Variants in SELENOF observed in about 807,000 individuals in gnomAD.
The protein encoded by SELENOF is 15 kDa selenoprotein.
In SELENOF, 16 loss-of-function variants were observed where a neutral mutation model predicts 20.5. The ratio of observed to expected loss-of-function variants is 0.78; its 90% CI spans 0.53 to 1.19. SELENOF has a LOEUF of 1.19. Ranked by LOEUF, SELENOF falls within the 50% of genes most tolerant of loss-of-function variation. SELENOF has a pLI of 0.00. For missense variants in SELENOF, 215 were observed against 194.2 expected, an observed-to-expected ratio of 1.11 and a Z score of -0.64; for synonymous variants, 78 against 74.5, an observed-to-expected ratio of 1.05 and a Z score of -0.24.
chr1:86,905,956 T>G (rs1659817104), intron 1 of SELENOF, among the ~76,000 whole-genome samples: 1 of 152,216 alleles, frequency 6.6e-6, no homozygotes, highest in African/African-American at 2.4e-5. Context: ...TTGACTGAAT[T>G]TGGCCCACCA....
chr1:86,894,833 T>C (rs1346626646), intron 2 of SELENOF, among the ~76,000 whole-genome samples: 1 of 151,138 alleles, frequency 6.6e-6, no homozygotes, highest in South Asian at 2.1e-4. Context: ...GGAAACCCTA[T>C]CTCTAAAACA....
chr1:86,912,165 C>A (rs988928822), intron 1 of SELENOF, among the ~76,000 whole-genome samples: 2 of 152,116 alleles, frequency 1.3e-5, no homozygotes, highest in Non-Finnish European at 1.5e-5. Context: ...AACGGTGAAC[C>A]AAGACGCTGT....
chr1:86,874,487 C>A (rs757258850), intron 3 of SELENOF, among the ~76,000 whole-genome samples: 1 of 151,992 alleles, frequency 6.6e-6, no homozygotes, highest in Non-Finnish European at 1.5e-5. Context: ...CTAAGTTTTG[C>A]TATACACACT....
chr1:86,884,382 C>T (rs540673321), intron 2 of SELENOF, among the ~76,000 whole-genome samples: 55 of 149,924 alleles, frequency 3.7e-4, no homozygotes, highest in African/African-American at 1.4e-3. Flanking sequence ...CACACATATA[C>T]ACACACATAT....
Position 86,863,404 on chromosome 1 carries a change from T to C in SELENOF, c.*70A>G. 1.5e-6 allele frequency: 2 copies of C among 1,361,716 alleles called. No individual in the cohort carries two copies. Among genetic ancestry groups the C allele is most frequent in the African/African-American group, 1.5e-5 (1 of 68,034 alleles). The allele number at this position is 1,361,716 out of a possible 1,614,324, so 84.4% of individuals were successfully genotyped here. On this transcript the variant is annotated 3_prime_UTR_variant, in exon 5 of 5. Transcript: ENST00000331835. ...ATCAATGGAAGCAAGCAAAACTAAA[T>C]TATTTTCTAGGTGCTGTAATATTTC...
intron 1 of SELENOF, among the ~76,000 whole-genome samples, chr1:86,910,595 T>TGGGAGGCTGAGGCAGGAGACTGGC: frequency 6.7e-6 from 1 of 148,712 alleles, no homozygotes; most frequent in African/African-American, 2.6e-5. Context: ...TCCCAGCTAC[T>TGGGAGGCTGAGGCAGGAGACTGGC]TGGGAGGCTG....
At chr1:86,877,143 C>T (rs980756946) in intron 3 of SELENOF, among the ~76,000 whole-genome samples, 2 of 152,098 alleles carry the variant, frequency 1.3e-5, no homozygotes, top group East Asian at 3.8e-4. Flanking sequence ...CAGTAAGCAT[C>T]AATAAATATT....
intron 1 of SELENOF, among the ~76,000 whole-genome samples, chr1:86,904,152 G>GC (rs1659772516): frequency 6.6e-6 from 1 of 152,104 alleles, no homozygotes; most frequent in African/African-American, 2.4e-5. Context: ...AGTAAGATTA[G>GC]CTGTAGGGTT....
chr1:86,899,926 G>A (rs1338658807), intron 2 of SELENOF, among the ~76,000 whole-genome samples: 4 of 151,824 alleles, frequency 2.6e-5, no homozygotes, highest in Non-Finnish European at 5.9e-5. Context: ...CGGCCGGGCA[G>A]AGGCGCTCCT....
intron 2 of SELENOF, among the ~76,000 whole-genome samples, chr1:86,894,430 C>G (rs984156202): frequency 2.0e-5 from 3 of 151,802 alleles, no homozygotes; most frequent in African/African-American, 7.3e-5. Context: ...TCATGGTTTC[C>G]TCCTGATCTG....
At chr1:86,864,433 T>C (rs949942921) in intron 4 of SELENOF, among the ~76,000 whole-genome samples, 1 of 152,200 alleles carries the variant, frequency 6.6e-6, no homozygotes, top group African/African-American at 2.4e-5. Context: ...TCGGCAGTGA[T>C]GACAGAGTTC....
At chr1:86,872,048 C>A (rs926280498) in intron 3 of SELENOF, among the ~76,000 whole-genome samples, 2 of 152,058 alleles carry the variant, frequency 1.3e-5, no homozygotes, top group Non-Finnish European at 2.9e-5. Context: ...CACCATTTAC[C>A]ATCTGGGTTC....
chr1:86,897,703 T>G (rs950453274), intron 2 of SELENOF, among the ~76,000 whole-genome samples: 23 of 152,212 alleles, frequency 1.5e-4, no homozygotes, highest in African/African-American at 5.3e-4. Flanking sequence ...AAGTGGTTAG[T>G]GATCCAACTA....
At chr1:86,868,333 A>G (rs1031898940) in intron 3 of SELENOF, among the ~76,000 whole-genome samples, 2 of 152,188 alleles carry the variant, frequency 1.3e-5, no homozygotes, top group Admixed American at 6.5e-5. Flanking sequence ...TAGGATTTTA[A>G]GGTTTGACAA....
At chr1:86,887,196 A>T (rs1462456276) in intron 2 of SELENOF, 2 of 1,542,182 alleles carry the variant, frequency 1.3e-6, no homozygotes, top group African/African-American at 2.8e-5. Context: ...ATGGATGAAT[A>T]CTGAGGATTA....
At chr1:86,873,839 T>G (rs1474257824) in intron 3 of SELENOF, among the ~76,000 whole-genome samples, 1 of 130,682 alleles carries the variant, frequency 7.7e-6, no homozygotes, top group Non-Finnish European at 1.6e-5. Flanking sequence ...ACAACAGGAG[T>G]GAAACTCCGT....
At chr1:86,896,461 T>C (rs1308511242) in intron 2 of SELENOF, among the ~76,000 whole-genome samples, 1 of 152,188 alleles carries the variant, frequency 6.6e-6, no homozygotes, top group Non-Finnish European at 1.5e-5. Flanking sequence ...ACTAAAATAC[T>C]ACACTTAATC....
intron 3 of SELENOF, among the ~76,000 whole-genome samples, chr1:86,877,196 G>A (rs1329514717): frequency 1.3e-5 from 2 of 152,138 alleles, no homozygotes; most frequent in Non-Finnish European, 2.9e-5. Flanking sequence ...GGTGGTGCCA[G>A]ACACATACTA....
chr1:86,891,856 T>C (rs1349056483), intron 2 of SELENOF, among the ~76,000 whole-genome samples: 1 of 152,112 alleles, frequency 6.6e-6, no homozygotes, highest in African/African-American at 2.4e-5. Context: ...TTTAAAGTGG[T>C]TGGAACAGTA....
Sources: gnomAD v4.1 joint callset for allele counts (sites outside exome capture counted in the v4.1 genomes callset) on GRCh38, gnomAD v4.1.1 for gene constraint, MANE v1.5 for transcripts, NCBI Gene and HGNC (gene_info 2026-07-23, HGNC 2026-07-21) for gene names.